PXN: variants seen among roughly 807,000 people sequenced by gnomAD.
PXN encodes testicular tissue protein Li 134.
Under a neutral mutation model 103.6 loss-of-function variants are expected in PXN, and 61 were observed. The observed-to-expected ratio is 0.59, with a 90% CI of 0.48 to 0.73. The LOEUF is 0.73. Ranked by LOEUF, PXN falls within the 30% of genes least tolerant of loss-of-function variation. PXN has a pLI of 0.00. For synonymous variants in PXN, 562 were observed against 607.8 expected (o/e 0.92, Z 1.11); for missense variants, 1,274 against 1,460.3 (o/e 0.87, Z 2.08).
At position 120,217,739 on chromosome 12, in the gene PXN, C is replaced by A. The variant is rs1052647250; in HGVS notation, c.1717-623G>T. On this transcript the variant is annotated intron_variant, in intron 7 of 14. Transcript: ENST00000637617. The surrounding 1 kb of genome is among the most constrained non-coding windows in gnomAD (Gnocchi z 4.1). ...GGATTAAAGGCATGCACCACCACGCCTGGCTAATTTTTGTTGTTGTTGTTT... is the reference window on the plus strand; with the variant it reads ...GGATTAAAGGCATGCACCACCACGCATGGCTAATTTTTGTTGTTGTTGTTT... Among the ~76,000 whole-genome samples, 7 of 151,566 alleles carry A rather than the reference C, an allele frequency of 4.6e-5. No homozygotes were observed. Among genetic ancestry groups the A allele is most frequent in the African/African-American group, 1.2e-4 (5 of 41,276 alleles).
At chr12:120,259,282 C>T (rs1428352348) in intron 1 of PXN, among the ~76,000 whole-genome samples, 1 of 151,974 alleles carries the variant, frequency 6.6e-6, no homozygotes, top group African/African-American at 2.4e-5. Flanking sequence ...GTCCCAGCTA[C>T]TCAGGAGGCT....
intron 1 of PXN, among the ~76,000 whole-genome samples, chr12:120,231,575 G>C (rs1175295582): frequency 6.6e-6 from 1 of 152,138 alleles, no homozygotes; most frequent in Admixed American, 6.5e-5. Flanking sequence ...GGAGGGGGTG[G>C]TCATTTGGAT....
Position 120,212,851 on chromosome 12 carries a change from GATT to G in PXN, c.2980-274_2980-272del, listed in dbSNP as rs1013493952. 11 of 359,400 alleles carry G rather than the reference GATT, an allele frequency of 3.1e-5. No individual in the cohort carries two copies. The highest frequency in any genetic ancestry group is 2.1e-4 in the African/African-American group (10 of 47,780). The allele number at this position is 359,400 out of a possible 1,614,324, so 22.3% of individuals were successfully genotyped here. On this transcript the variant is annotated intron_variant, in intron 14 of 14. Coordinates refer to ENST00000637617, the MANE Select transcript of PXN (RefSeq NM_001385981.1). This position sits in a 1 kb window ranked among gnomAD's most constrained non-coding sequence, Gnocchi z 7.2. ...CCACCTCGGCCTCCCACAGGGCTGG[GATT>G]ATTTAGTTCTCCCAACAGGGGAGGC...
Position 120,215,502 on chromosome 12 carries a change from TG to T in PXN, c.2403+57del. ...AAAGGCTGAGGGCACCCAGCAGGCA[TG>T]GCCAAGCCCAGGGAGAGCACGACAC... On this transcript the variant is annotated intron_variant, in intron 10 of 14. Coordinates refer to ENST00000637617, the MANE Select transcript of PXN (RefSeq NM_001385981.1). The surrounding 1 kb of genome is among the most constrained non-coding windows in gnomAD (Gnocchi z 4.9). 1 of 1,519,692 alleles carries T rather than the reference TG, an allele frequency of 6.6e-7. No individual in the cohort carries two copies. The highest frequency in any genetic ancestry group is 8.8e-7 in the Non-Finnish European group (1 of 1,137,066). 94.1% of individuals were successfully genotyped at this position (1,519,692 alleles called of 1,614,324 possible).
chr12:120,213,824 T>A lies in PXN; in HGVS notation c.2979+18A>T, dbSNP rs750268173. ...TGCCTGCTCCTCGCCCCTCCAGATG[T>A]GGTCAGGGGCTCCTTACCCGGCACA... On this transcript the variant is annotated intron_variant, in intron 14 of 14. Transcript: ENST00000637617. This position sits in a 1 kb window ranked among gnomAD's most constrained non-coding sequence, Gnocchi z 4.2. 2 of 1,605,428 alleles carry A rather than the reference T, an allele frequency of 1.2e-6. No homozygotes were observed. The highest frequency in any genetic ancestry group is 1.1e-5 in the South Asian group (1 of 89,316).
At chr12:120,260,906 G>A (rs1893781254) in intron 1 of PXN, among the ~76,000 whole-genome samples, 1 of 152,166 alleles carries the variant, frequency 6.6e-6, no homozygotes, top group African/African-American at 2.4e-5. Flanking sequence ...GGCAGAGGCT[G>A]CAGACCCTGT....
rs985242617 is a variant in PXN, at chr12:120,217,170, G to A, written c.1717-54C>T. On this transcript the variant is annotated intron_variant, in intron 7 of 14. Transcript: ENST00000637617. This position sits in a 1 kb window ranked among gnomAD's most constrained non-coding sequence, Gnocchi z 4.1. ...CCGTCCCACTCCCAGCTTGCACAACGCTGCTCAGGCCACACTCAGATGCCT... is the reference window on the plus strand; with the variant it reads ...CCGTCCCACTCCCAGCTTGCACAACACTGCTCAGGCCACACTCAGATGCCT... 1.1e-4 allele frequency: 158 copies of A among 1,391,880 alleles called. No individual in the cohort carries two copies. The highest frequency in any genetic ancestry group is 1.5e-4 in the Non-Finnish European group (154 of 1,014,316). The allele number at this position is 1,391,880 out of a possible 1,614,324, so 86.2% of individuals were successfully genotyped here.
intron 1 of PXN, among the ~76,000 whole-genome samples, chr12:120,256,489 C>T (rs1267535081): frequency 6.7e-6 from 1 of 148,530 alleles, no homozygotes; most frequent in Non-Finnish European, 1.5e-5. Context: ...ATGGGGACAT[C>T]GGGGCCACAT....
At chr12:120,241,518 T>G (rs978730375) in intron 1 of PXN, among the ~76,000 whole-genome samples, 9 of 152,102 alleles carry the variant, frequency 5.9e-5, no homozygotes, top group African/African-American at 2.2e-4. Context: ...CACAAACACA[T>G]AGTGTGCACG....
intron 1 of PXN, among the ~76,000 whole-genome samples, chr12:120,255,986 C>T (rs1158016882): frequency 4.0e-5 from 6 of 151,510 alleles, no homozygotes; most frequent in Non-Finnish European, 8.8e-5. Flanking sequence ...GCAGGAGGAT[C>T]GCTTGACCCT....
In PXN at chr12:120,216,183, TGTGTGTGTGCAC is replaced by T. The variant is rs1882920945; in HGVS notation, c.2301+78_2301+89del. 7.8e-7 allele frequency: 1 copy of T among 1,274,824 alleles called. No individual in the cohort carries two copies. The highest frequency in any genetic ancestry group is 9.9e-7 in the Non-Finnish European group (1 of 1,013,558). 79.0% of individuals were successfully genotyped at this position (1,274,824 alleles called of 1,614,324 possible). On this transcript the variant is annotated intron_variant, in intron 9 of 14. Transcript: ENST00000637617. This position sits in a 1 kb window ranked among gnomAD's most constrained non-coding sequence, Gnocchi z 5.1. ...TGGAGGGATGGAGGGTATCTGTGTA[TGTGTGTGTGCAC>T]GTGTGTGTGTGCAGAGTGGGGGATG... is the stretch of plus-strand genomic sequence containing the variant.
Position 120,224,222 on chromosome 12 carries a change from C to A in PXN, c.169G>T (p.Ala57Ser), listed in dbSNP as rs2136327297. 1 of 1,612,576 alleles carries A rather than the reference C, an allele frequency of 6.2e-7. No homozygotes were observed. Reference sequence around the variant, plus strand: ...GGGTCAAGGATTGTGCCATTGAGGGCCTCGCTGGACGGGGGTGGGGGGACG... The same window carrying A: ...GGGTCAAGGATTGTGCCATTGAGGGACTCGCTGGACGGGGGTGGGGGGACG... ...PPVPPPPSSE[A>S]LNGTILDPLD... The change falls in exon 2 of 15, where the codon GCC becomes TCC. Residue 57 changes from alanine (A) to serine (S), a missense_variant. By Grantham distance (99) the Ala-to-Ser change is moderately conservative. Transcript: ENST00000637617. This position sits in a 1 kb window ranked among gnomAD's most constrained non-coding sequence, Gnocchi z 5.0.
chr12:120,215,222 T>G lies in PXN; in HGVS notation c.2455A>C (p.Lys819Gln). Residue 819 changes from lysine to glutamine, a missense_variant, in exon 11 of 15, where the codon AAG becomes CAG. Coordinates refer to ENST00000637617, the MANE Select transcript of PXN (RefSeq NM_001385981.1). This position sits in a 1 kb window ranked among gnomAD's most constrained non-coding sequence, Gnocchi z 4.9. ...ATGCTGTCCAGCTGGCTCCCGGGCT[T>G]CGGGGGCCCCCCAGGGGGTGAGCTG... ...GSSSPPGGPP[K>Q]PGSQLDSMLG... 1 of 1,595,204 alleles carries G rather than the reference T, an allele frequency of 6.3e-7. No individual in the cohort carries two copies. The highest frequency in any genetic ancestry group is 2.3e-5 in the East Asian group (1 of 44,174).
In PXN at chr12:120,216,938, TCCG is replaced by T. The variant is rs1883289061; in HGVS notation, c.1892_1894del (p.Ala631del). 6.5e-7 allele frequency: 1 copy of T among 1,531,312 alleles called. No individual in the cohort carries two copies. Among genetic ancestry groups the T allele is most frequent in the Non-Finnish European group, 8.7e-7 (1 of 1,143,506 alleles). 94.9% of individuals were successfully genotyped at this position (1,531,312 alleles called of 1,614,324 possible). ...GTCCTGGGCAGAGGGCCCCGCCGCC[TCCG>T]CCGGCTCCTCTGCCTCAGGCTGGAT... On this transcript the variant is annotated inframe_deletion, in exon 8 of 15. Transcript: ENST00000637617. This position sits in a 1 kb window ranked among gnomAD's most constrained non-coding sequence, Gnocchi z 5.1.
intron 1 of PXN, among the ~76,000 whole-genome samples, chr12:120,237,882 TC>T (rs1447582650): frequency 6.6e-6 from 1 of 151,658 alleles, no homozygotes; most frequent in Non-Finnish European, 1.5e-5. Flanking sequence ...CTCGTCTCAG[TC>T]CCCCCACCCC....
chr12:120,265,697 C>T lies in PXN; in HGVS notation c.-68G>A. 1 of 1,297,064 alleles carries T rather than the reference C, an allele frequency of 7.7e-7. No individual in the cohort carries two copies. Among genetic ancestry groups the T allele is most frequent in the East Asian group, 3.3e-5 (1 of 30,154 alleles). 80.3% of individuals were successfully genotyped at this position (1,297,064 alleles called of 1,614,324 possible). ...GTCCCGGGGCCGCTCGTCTATGCCC[C>T]GCAACTTTTCCGCCGCGAGCCTCGG... On this transcript the variant is annotated 5_prime_UTR_variant, in exon 1 of 15. Transcript: ENST00000637617. This position sits in a 1 kb window ranked among gnomAD's most constrained non-coding sequence, Gnocchi z 5.7.
At chr12:120,259,915 C>T (rs1181573107) in intron 1 of PXN, among the ~76,000 whole-genome samples, 1 of 152,228 alleles carries the variant, frequency 6.6e-6, no homozygotes, top group African/African-American at 2.4e-5. Flanking sequence ...ATCCTTCATT[C>T]TCCACCATAA....
rs966754053 is a variant in PXN, at chr12:120,210,862, G to C, written c.*1452C>G. On this transcript the variant is annotated 3_prime_UTR_variant, in exon 15 of 15. Transcript: ENST00000637617. ...TCATCCTTGGTAAAGAGCTCTGGGG[G>C]GTTTCCCCAGAGGAGCCTGTCCCTC... is the stretch of plus-strand genomic sequence containing the variant. 2.0e-5 allele frequency: 3 copies of C among 152,624 alleles called. No individual in the cohort carries two copies. Among genetic ancestry groups the C allele is most frequent in the South Asian group, 2.1e-4 (1 of 4,830 alleles). 9.5% of individuals were successfully genotyped at this position (152,624 alleles called of 1,614,324 possible). A position where few individuals can be genotyped will look rare whatever the true frequency, so the allele number is the denominator to read the frequency against.
Position 120,219,515 on chromosome 12 carries a change from C to T in PXN, c.1408G>A (p.Asp470Asn). The change falls in exon 7 of 15, where the codon GAC (aspartate) becomes AAC (asparagine). Residue 470 changes from aspartate to asparagine, a missense_variant. Coordinates refer to ENST00000637617, the MANE Select transcript of PXN (RefSeq NM_001385981.1). This position sits in a 1 kb window ranked among gnomAD's most constrained non-coding sequence, Gnocchi z 6.5. ...GTATCTGGGAAGATGGCCTGCCGGTCCACTGCCACTACAGCTGGCTCTGTT... is the reference window on the plus strand; with the variant it reads ...GTATCTGGGAAGATGGCCTGCCGGTTCACTGCCACTACAGCTGGCTCTGTT... ...EVTEPAVVAV[D>N]RQAIFPDTWT... is the part of the protein sequence containing the mutation. The T allele has an allele frequency of 2.5e-6, 4 of 1,594,628 alleles. No homozygotes were observed. Among genetic ancestry groups the T allele is most frequent in the Non-Finnish European group, 3.4e-6 (4 of 1,178,058 alleles).
Sources: allele counts gnomAD v4.1 joint callset (sites outside exome capture counted in the v4.1 genomes callset), GRCh38; gene constraint gnomAD v4.1.1; non-coding constraint Gnocchi (gnomAD v3.1); transcripts MANE v1.5; gene names NCBI Gene and HGNC (gene_info 2026-07-23, HGNC 2026-07-21).